The following GCNT4 variants were observed in gnomAD, a reference collection of about 807,000 sequenced individuals.
GCNT4 encodes glucosaminyl (N-acetyl) transferase 4, also known as beta-1,3-galactosyl-O-glycosyl-glycoprotein beta-1,6-N-acetylglucosaminyltransferase 4.
Under a neutral mutation model 31.3 loss-of-function variants are expected in GCNT4, and 17 were observed. That is an observed-to-expected ratio of 0.54 (90% confidence interval 0.37 to 0.81). The LOEUF (loss-of-function observed/expected upper bound fraction) is 0.81, where lower values mean the gene tolerates loss of function less well. Among genes scored for constraint, GCNT4 ranks in the 40% least tolerant of loss-of-function variants. The probability of loss-of-function intolerance (pLI) is 0.00; values close to 1 mark genes in which losing one functional copy is unlikely to be tolerated. For missense variants in GCNT4, 503 were observed against 525.5 expected, an observed-to-expected ratio of 0.96 and a Z score of 0.42; for synonymous variants, 158 against 190.6, an observed-to-expected ratio of 0.83 and a Z score of 1.41.
chr5:75,033,511 G>C (rs758175707), intron 3 of GCNT4, among the ~76,000 whole-genome samples: 4 of 152,082 alleles, frequency 2.6e-5, no homozygotes, highest in Admixed American at 2.6e-4. Flanking sequence ...ATATACCTTC[G>C]CCCAAGGCAT....
chr5:75,033,531 G>A (rs1216442504), intron 3 of GCNT4, among the ~76,000 whole-genome samples: 1 of 152,158 alleles, frequency 6.6e-6, no homozygotes, highest in African/African-American at 2.4e-5. Context: ...TCTTTAAGGG[G>A]GAGAGTTTGT....
chr5:75,017,090 TA>T, the GCNT4 span, among the ~76,000 whole-genome samples: 1 of 152,346 alleles, frequency 6.6e-6, no homozygotes, highest in Non-Finnish European at 1.5e-5. Flanking sequence ...GAGCCAGTCT[TA>T]CTCATCCTCA....
At chr5:75,053,185 A>G (rs769013158), upstream of GCNT4, among the ~76,000 whole-genome samples, 97 of 150,832 alleles carry the variant, frequency 6.4e-4, no homozygotes, top group Non-Finnish European at 1.2e-3. Flanking sequence ...TGCCGCGGGG[A>G]GCCCCGAAGT....
At chr5:75,041,968 T>G (rs1020578308) in intron 3 of GCNT4, among the ~76,000 whole-genome samples, 1 of 152,188 alleles carries the variant, frequency 6.6e-6, no homozygotes, top group Non-Finnish European at 1.5e-5. Context: ...TAAAGAAAAT[T>G]CTAAAAAATA....
In GCNT4 at chr5:75,029,685, C is replaced by T. The variant is rs770421678; in HGVS notation, c.353G>A (p.Gly118Asp). ...CTTTGAGACAAGCTTTTGAGCATAACCTCTTAGAGTCTGATAAATGTCACA... is the reference window on the plus strand; with the variant it reads ...CTTTGAGACAAGCTTTTGAGCATAATCTCTTAGAGTCTGATAAATGTCACA... The part of the protein sequence containing the change: ...SDCDIYQTLR[G>D]YAQKLVSKEE... Residue 118 changes from glycine to aspartate, a missense_variant, in exon 4 of 4, where the codon GGT becomes GAT. Physicochemically the swap from Gly to Asp is moderately conservative, Grantham distance 94. Coordinates refer to ENST00000652361, the MANE Select transcript of GCNT4 (RefSeq NM_001366737.1). The T allele has an allele frequency of 6.2e-7, 1 of 1,614,120 alleles. No homozygotes were observed. The highest frequency in any genetic ancestry group is 8.5e-7 in the Non-Finnish European group (1 of 1,180,004).
intron 3 of GCNT4, among the ~76,000 whole-genome samples, chr5:75,044,021 G>A (rs1303533185): frequency 1.3e-5 from 2 of 152,192 alleles, no homozygotes; most frequent in African/African-American, 4.8e-5. Context: ...CAAGAACTGT[G>A]CAGTCTGCTC....
chr5:75,042,916 AT>A (rs1743351940), intron 3 of GCNT4, among the ~76,000 whole-genome samples: 2 of 152,310 alleles, frequency 1.3e-5, no homozygotes, highest in South Asian at 4.1e-4. Flanking sequence ...GAATTCAAAA[AT>A]TAAGTTAAAA....
rs375364254 is a variant in GCNT4, at chr5:75,027,306, T to TA, written c.*1369_*1370insT. 4.3e-4 allele frequency: 29 copies of TA among 67,892 alleles called. No individual in the cohort carries two copies. The highest frequency in any genetic ancestry group is 1.5e-3 in the African/African-American group (22 of 14,760). 4.2% of individuals were successfully genotyped at this position (67,892 alleles called of 1,614,324 possible). On this transcript the variant is annotated 3_prime_UTR_variant, in exon 4 of 4. Transcript: ENST00000652361. ...ATAATATATATTTATATATATATAA[T>TA]TATATGTATATATAATATATATTCA...
At position 75,028,911 on chromosome 5, in the gene GCNT4, C is replaced by T. The variant is rs1194134722; in HGVS notation, c.1127G>A (p.Gly376Asp). 6.2e-7 allele frequency: 1 copy of T among 1,613,948 alleles called. No individual in the cohort carries two copies. The highest frequency in any genetic ancestry group is 1.3e-5 in the African/African-American group (1 of 75,014). The change falls in exon 4 of 4, where the codon GGC (glycine) becomes GAC (aspartate). Residue 376 changes from glycine to aspartate, a missense_variant. By Grantham distance (94) the Gly-to-Asp change is moderately conservative. Coordinates refer to ENST00000652361, the MANE Select transcript of GCNT4 (RefSeq NM_001366737.1). ...TRLVKWNYYE[G>D]FFYPSCTGSH... ...TCCAGTACAACTGGGATAGAAAAAG[C>T]CTTCATAGTAATTCCACTTGACAAG...
At chr5:75,032,267 C>T (rs1398667624) in intron 3 of GCNT4, among the ~76,000 whole-genome samples, 1 of 152,278 alleles carries the variant, frequency 6.6e-6, no homozygotes, top group South Asian at 2.1e-4. Flanking sequence ...CACACTGATG[C>T]CTTTCCATAT....
chr5:75,044,208 A>G (rs1743386581), intron 3 of GCNT4, among the ~76,000 whole-genome samples: 3 of 152,208 alleles, frequency 2.0e-5, no homozygotes, highest in South Asian at 4.1e-4. Context: ...ACAAATAGCT[A>G]TCAGTACCAT....
chr5:75,034,729 G>T (rs1743157622), intron 3 of GCNT4, among the ~76,000 whole-genome samples: 1 of 152,234 alleles, frequency 6.6e-6, no homozygotes, highest in African/African-American at 2.4e-5. Context: ...GCAAGGTTTG[G>T]TGGCTATAAC....
chr5:75,018,113 G>C, the GCNT4 span, among the ~76,000 whole-genome samples: 1 of 152,122 alleles, frequency 6.6e-6, no homozygotes, highest in Non-Finnish European at 1.5e-5. Context: ...CTGCCAAGAT[G>C]ATCCTCCTAT....
intron 3 of GCNT4, among the ~76,000 whole-genome samples, chr5:75,034,864 G>A (rs913395141): frequency 6.6e-6 from 1 of 152,240 alleles, no homozygotes; most frequent in African/African-American, 2.4e-5. Flanking sequence ...AGGCATTGTT[G>A]GAGCCTTCAA....
chr5:75,023,332 G>T (rs1742901917), downstream of GCNT4, among the ~76,000 whole-genome samples: 1 of 152,138 alleles, frequency 6.6e-6, no homozygotes, highest in Non-Finnish European at 1.5e-5. Context: ...GGCTGTAGTT[G>T]TATACATCAA....
At chr5:75,033,677 T>TTTA (rs1561374527) in intron 3 of GCNT4, among the ~76,000 whole-genome samples, 8 of 127,518 alleles carry the variant, frequency 6.3e-5, no homozygotes, top group African/African-American at 9.1e-5. Flanking sequence ...TTATTTATTT[T>TTTA]TTTTTTTTTA....
chr5:75,029,250 T>C lies in GCNT4; in HGVS notation c.788A>G (p.Glu263Gly). The C allele has an allele frequency of 6.2e-7, 1 of 1,614,136 alleles. No individual in the cohort carries two copies. The highest frequency in any genetic ancestry group is 1.1e-5 in the South Asian group (1 of 91,084). The change falls in exon 4 of 4, where the codon GAA becomes GGA. Residue 263 changes from glutamate (E) to glycine (G), a missense_variant. Transcript: ENST00000652361. ...ETVKPPNSKLERFTYHHELRR... is the reference protein window; with the variant it reads ...ETVKPPNSKLGRFTYHHELRR... Reference sequence around the variant, plus strand: ...AAGTTCATGATGGTAAGTGAATCTTTCCAATTTACTGTTTGGGGGTTTCAC... The same window carrying C: ...AAGTTCATGATGGTAAGTGAATCTTCCCAATTTACTGTTTGGGGGTTTCAC...
chr5:75,030,183 C>A, intron 3 of GCNT4, 145 bp from the exon 4 acceptor site: 1 of 717,742 alleles, frequency 1.4e-6, no homozygotes, highest in Non-Finnish European at 2.3e-6. Flanking sequence ...TTGAAAGAAT[C>A]CAGAAATAAG....
rs1164669680 is a variant in GCNT4, at chr5:75,028,556, T to C, written c.*120A>G. The stretch of plus-strand genomic sequence containing the variant: ...ATCACTTTCCCTTGTGTATGGAATT[T>C]TGGACACCTTTTAAAATATGGGAGG... On this transcript the variant is annotated 3_prime_UTR_variant, in exon 4 of 4. Transcript: ENST00000652361. 6 of 941,712 alleles carry C rather than the reference T, an allele frequency of 6.4e-6. No homozygotes were observed. Among genetic ancestry groups the C allele is most frequent in the South Asian group, 1.8e-5 (1 of 55,482 alleles). The allele number at this position is 941,712 out of a possible 1,614,324, so 58.3% of individuals were successfully genotyped here. A position where few individuals can be genotyped will look rare whatever the true frequency, so the allele number is the denominator to read the frequency against.
Sources: gnomAD v4.1 joint callset for allele counts (sites outside exome capture counted in the v4.1 genomes callset) on GRCh38, gnomAD v4.1.1 for gene constraint, MANE v1.5 for transcripts, NCBI Gene and HGNC (gene_info 2026-07-23, HGNC 2026-07-21) for gene names.